Variants in CACNA2D3 observed in about 807,000 individuals in gnomAD.
CACNA2D3 encodes calcium voltage-gated channel auxiliary subunit alpha2delta 3.
CACNA2D3 carries 60 observed loss-of-function variants against 160.6 expected under a neutral mutation model. The observed-to-expected ratio is 0.37, with a 90% CI of 0.30 to 0.46. The LOEUF (loss-of-function observed/expected upper bound fraction) is 0.46, where lower values mean the gene tolerates loss of function less well. Ranked by LOEUF, CACNA2D3 falls within the 20% of genes least tolerant of loss-of-function variation. The pLI is 1.00. For missense variants in CACNA2D3, 1,205 were observed against 1,365.0 expected (o/e 0.88, Z 1.85); for synonymous variants, 558 against 492.9 (o/e 1.13, Z -1.75).
intron 18 of CACNA2D3, 55 bp downstream of exon 18, chr3:54,871,677 T>G: frequency 2.2e-6 from 3 of 1,378,118 alleles, no homozygotes; most frequent in Non-Finnish European, 3.1e-6. Context: ...TACCCACTTC[T>G]GTACCTGGGG....
At chr3:55,065,216 A>G (rs1704607734) in intron 35 of CACNA2D3, among the ~76,000 whole-genome samples, 1 of 152,190 alleles carries the variant, frequency 6.6e-6, no homozygotes, top group South Asian at 2.1e-4. Context: ...CTGTTTTCCC[A>G]TGCTGTATAG....
rs372858057 is a variant in CACNA2D3, at chr3:54,760,863, G to A, written c.1247-3355G>A. On this transcript the variant is annotated intron_variant, in intron 12 of 37. Transcript: ENST00000474759. Reference sequence around the variant, plus strand: ...AGGAATGGATTTGGGAAGTGAAGTCGGGAGTTGGCTTTGGATGCATTCGGC... The same window carrying A: ...AGGAATGGATTTGGGAAGTGAAGTCAGGAGTTGGCTTTGGATGCATTCGGC... 1.6e-4 allele frequency among the ~76,000 whole-genome samples: 25 copies of A among 152,214 alleles called. 1 individual carries two copies. Among genetic ancestry groups the A allele is most frequent in the African/African-American group, 2.4e-4 (10 of 41,514 alleles).
At chr3:54,482,859 C>A (rs1378250102) in intron 4 of CACNA2D3, among the ~76,000 whole-genome samples, 2 of 152,100 alleles carry the variant, frequency 1.3e-5, no homozygotes, top group African/African-American at 4.8e-5. Context: ...ACTCATAGCC[C>A]CCTCTCCTGT....
chr3:55,020,506 G>A (rs950370249), intron 35 of CACNA2D3, among the ~76,000 whole-genome samples: 2 of 150,760 alleles, frequency 1.3e-5, no homozygotes, highest in African/African-American at 4.9e-5. Flanking sequence ...TTAATAGTAT[G>A]TAGAATGTCT....
intron 5 of CACNA2D3, among the ~76,000 whole-genome samples, chr3:54,533,671 A>G (rs553514174): frequency 6.6e-6 from 1 of 152,218 alleles, no homozygotes; most frequent in South Asian, 2.1e-4. Context: ...ATGCTCACTC[A>G]AAAGAGGCAC....
chr3:54,982,457 T>C (rs776367213), intron 29 of CACNA2D3, among the ~76,000 whole-genome samples: 10 of 152,152 alleles, frequency 6.6e-5, no homozygotes, highest in Non-Finnish European at 1.0e-4. Context: ...CCAAAGTCAG[T>C]CAACTGGTGC....
At chr3:54,658,487 G>T (rs1416869789) in intron 11 of CACNA2D3, among the ~76,000 whole-genome samples, 1 of 152,182 alleles carries the variant, frequency 6.6e-6, no homozygotes, top group African/African-American at 2.4e-5. Context: ...CTGGAGAAAT[G>T]CCTATTCAGG....
intron 13 of CACNA2D3, among the ~76,000 whole-genome samples, chr3:54,804,020 C>T (rs1703056587): frequency 6.6e-6 from 1 of 151,906 alleles, no homozygotes; most frequent in Admixed American, 6.6e-5. Context: ...GATTTTGTCA[C>T]CACCAGGCCT....
rs1487421973 is a variant in CACNA2D3 at position 54,123,517 on chromosome 3, A to G, written c.127A>G (p.Lys43Glu). Reference protein sequence around the residue: ...SEQQIPLSVVKLWASAFGGEI... With the variant: ...SEQQIPLSVVELWASAFGGEI... ...CTGTGCCCCTTCTCCCTGTAGGGTG[A>G]AGCTCTGGGCCTCGGCTTTTGGTGG... The change falls in exon 2 of 38, where the codon AAG (lysine) becomes GAG (glutamate). Residue 43 changes from lysine (K) to glutamate (E), a missense_variant. Transcript: ENST00000474759. The G allele has an allele frequency of 1.2e-6, 2 of 1,613,390 alleles. No homozygotes were observed. Among genetic ancestry groups the G allele is most frequent in the Non-Finnish European group, 1.7e-6 (2 of 1,179,516 alleles).
At chr3:54,385,951 C>G (rs1404753558) in intron 3 of CACNA2D3, 3 of 507,544 alleles carry the variant, frequency 5.9e-6, no homozygotes, top group African/African-American at 1.9e-5. Context: ...ATCCTCTAGC[C>G]TATATTTTCA....
chr3:54,602,862 T>C (rs1406441855), intron 9 of CACNA2D3, among the ~76,000 whole-genome samples: 3 of 152,300 alleles, frequency 2.0e-5, no homozygotes, highest in East Asian at 1.9e-4. Context: ...ATCTGACCAC[T>C]GGAAGAGGCA....
chr3:54,811,122 G>A lies in CACNA2D3; in HGVS notation c.1381-5731G>A, dbSNP rs72874270. Among the ~76,000 whole-genome samples, 285 of 152,174 alleles carry A rather than the reference G, an allele frequency of 1.9e-3. 1 individual carries two copies. The highest frequency in any genetic ancestry group is 6.5e-3 in the African/African-American group (271 of 41,512). The stretch of plus-strand genomic sequence containing the variant: ...AGTAACCAAGCTCAGGCCTCCTCCC[G>A]GGACATGAGCTTCATATTTCCAGCT... On this transcript the variant is annotated intron_variant, in intron 13 of 37. Coordinates refer to ENST00000474759, the MANE Select transcript of CACNA2D3 (RefSeq NM_018398.3).
chr3:54,446,782 A>G (rs1575459545), intron 4 of CACNA2D3, among the ~76,000 whole-genome samples: 1 of 152,014 alleles, frequency 6.6e-6, no homozygotes, highest in Non-Finnish European at 1.5e-5. Context: ...GATATCTGAC[A>G]TATCTGCCCC....
At chr3:54,313,985 G>A (rs1219937442) in intron 2 of CACNA2D3, among the ~76,000 whole-genome samples, 1 of 151,240 alleles carries the variant, frequency 6.6e-6, no homozygotes, top group Admixed American at 6.6e-5. Context: ...TGAGATTTTG[G>A]TGCACCCATC....
intron 4 of CACNA2D3, among the ~76,000 whole-genome samples, chr3:54,465,172 T>G (rs1700598359): frequency 6.6e-6 from 1 of 152,092 alleles, no homozygotes; most frequent in African/African-American, 2.4e-5. Context: ...TTTCATTCAT[T>G]GAATTCTTCA....
At chr3:54,600,872 C>T (rs1029240460) in intron 9 of CACNA2D3, among the ~76,000 whole-genome samples, 1 of 151,982 alleles carries the variant, frequency 6.6e-6, no homozygotes, top group Admixed American at 6.6e-5. Context: ...TGTCATGACA[C>T]TCCCTGAACC....
chr3:54,387,106 C>T (rs1399961839), intron 4 of CACNA2D3, among the ~76,000 whole-genome samples: 1 of 152,202 alleles, frequency 6.6e-6, no homozygotes, highest in Non-Finnish European at 1.5e-5. Flanking sequence ...ACATCCAAAT[C>T]CCACTTGGCT....
chr3:54,673,743 A>G (rs569646195), intron 11 of CACNA2D3, among the ~76,000 whole-genome samples: 1 of 152,352 alleles, frequency 6.6e-6, no homozygotes, highest in African/African-American at 2.4e-5. Context: ...CTCAGCTTCA[A>G]GTGCAAATTA....
chr3:54,717,865 CGTGTGTGTGGTGG>C (rs1211581716), intron 11 of CACNA2D3, among the ~76,000 whole-genome samples: 3 of 130,360 alleles, frequency 2.3e-5, no homozygotes, highest in Non-Finnish European at 4.9e-5. Flanking sequence ...TATGTGCGTG[CGTGTGTGTGGTGG>C]GTGTGTGTGC....
Sources: allele counts gnomAD v4.1 joint callset (sites outside exome capture counted in the v4.1 genomes callset), GRCh38; gene constraint gnomAD v4.1.1; transcripts MANE v1.5; gene names NCBI Gene and HGNC (gene_info 2026-07-23, HGNC 2026-07-21).